The following C12orf42 variants were observed in gnomAD, a reference collection of about 807,000 sequenced individuals.
C12orf42 encodes the protein chromosome 12 open reading frame 42.
A neutral mutation model predicts 21.6 loss-of-function variants in C12orf42; 25 were observed. That is an observed-to-expected ratio of 1.16 (90% confidence interval 0.84 to 1.62). The LOEUF (loss-of-function observed/expected upper bound fraction) is 1.62. Ranked by LOEUF, C12orf42 falls within the 40% of genes most tolerant of loss-of-function variation. C12orf42 has a pLI of 0.00. For synonymous variants in C12orf42, 174 were observed against 175.0 expected (o/e 0.99, Z 0.05); for missense variants, 483 against 459.3 (o/e 1.05, Z -0.47).
chr12:103,443,555 C>T (rs780963912), intron 2 of C12orf42, among the ~76,000 whole-genome samples: 5 of 151,980 alleles, frequency 3.3e-5, no homozygotes, highest in Non-Finnish European at 7.4e-5. Flanking sequence ...CTGATTTTTG[C>T]CATGCCAAAA....
the C12orf42 span, among the ~76,000 whole-genome samples, chr12:103,190,445 A>G: frequency 0.37 from 55,825 of 152,070 alleles, 10,958 homozygotes; most frequent in South Asian, 0.45. Flanking sequence ...TTCACCAGCC[A>G]TCAAGGCATC....
chr12:103,125,972 T>C, the C12orf42 span, among the ~76,000 whole-genome samples: 19 of 152,168 alleles, frequency 1.2e-4, no homozygotes, highest in Non-Finnish European at 2.9e-5. Flanking sequence ...GAGATCTTGG[T>C]GCAATGCCCT....
chr12:103,390,879 G>A (rs2047018578), intron 3 of C12orf42, among the ~76,000 whole-genome samples: 1 of 152,114 alleles, frequency 6.6e-6, no homozygotes, highest in Non-Finnish European at 1.5e-5. Flanking sequence ...CATTGATAAG[G>A]ACAGATGATT....
At chr12:103,560,749 C>G in the C12orf42 span, among the ~76,000 whole-genome samples, 1 of 152,182 alleles carries the variant, frequency 6.6e-6, no homozygotes, top group Non-Finnish European at 1.5e-5. Flanking sequence ...GCTAGTCATA[C>G]GCAAAGTCCA....
the C12orf42 span, among the ~76,000 whole-genome samples, chr12:103,554,247 T>A: frequency 1.3e-5 from 2 of 151,910 alleles, no homozygotes; most frequent in African/African-American, 4.8e-5. Flanking sequence ...CAGATATAAA[T>A]GACATTTGGC....
At chr12:103,244,948 T>C (rs918024230) in intron 10 of C12orf42, among the ~76,000 whole-genome samples, 4 of 152,050 alleles carry the variant, frequency 2.6e-5, no homozygotes, top group African/African-American at 7.2e-5. Context: ...TCTTAATTCA[T>C]CTCTTTAAAG....
chr12:103,372,211 T>G (rs1164617795), intron 3 of C12orf42, among the ~76,000 whole-genome samples: 4 of 152,124 alleles, frequency 2.6e-5, no homozygotes, highest in African/African-American at 7.2e-5. Context: ...CATCCCTGCT[T>G]GCAGTTCACC....
chr12:103,216,302 A>G, the C12orf42 span, among the ~76,000 whole-genome samples: 1 of 151,620 alleles, frequency 6.6e-6, no homozygotes, highest in Non-Finnish European at 1.5e-5. Flanking sequence ...GTGTTCTGTT[A>G]TTTCTTTTTA....
the C12orf42 span, among the ~76,000 whole-genome samples, chr12:103,092,366 A>G: frequency 2.0e-5 from 3 of 152,164 alleles, no homozygotes; most frequent in African/African-American, 7.2e-5. Context: ...CGGGGGGAAA[A>G]AACAGCATAT....
At chr12:103,546,899 A>C in the C12orf42 span, among the ~76,000 whole-genome samples, 1 of 152,196 alleles carries the variant, frequency 6.6e-6, no homozygotes, top group Non-Finnish European at 1.5e-5. Context: ...AGGGACACGG[A>C]GATGATGAAC....
chr12:103,544,695 T>G, the C12orf42 span, among the ~76,000 whole-genome samples: 1 of 152,240 alleles, frequency 6.6e-6, no homozygotes, highest in African/African-American at 2.4e-5. Context: ...TTTTTATTGT[T>G]TTGTCTCTTT....
At chr12:103,096,783 C>G in the C12orf42 span, among the ~76,000 whole-genome samples, 9 of 151,930 alleles carry the variant, frequency 5.9e-5, no homozygotes, top group Non-Finnish European at 1.0e-4. Context: ...TGTTCAAGGC[C>G]CTGGTTTAAC....
At chr12:103,263,760 G>A (rs944190506), downstream of C12orf42, among the ~76,000 whole-genome samples, 7 of 152,142 alleles carry the variant, frequency 4.6e-5, no homozygotes, top group Non-Finnish European at 8.8e-5. Context: ...GATCCAGTCT[G>A]TCACACTCCT....
chr12:103,399,034 T>C (rs1593815023), intron 3 of C12orf42, among the ~76,000 whole-genome samples: 1 of 152,248 alleles, frequency 6.6e-6, no homozygotes, highest in African/African-American at 2.4e-5. Flanking sequence ...CTTCATTTAT[T>C]TGGGCACCCT....
At chr12:103,127,329 A>G in the C12orf42 span, among the ~76,000 whole-genome samples, 4 of 152,240 alleles carry the variant, frequency 2.6e-5, no homozygotes, top group African/African-American at 9.6e-5. Context: ...AGTGTTCTCT[A>G]ATACTAGGCA....
At chr12:103,466,147 T>C (rs1953110127) in intron 2 of C12orf42, among the ~76,000 whole-genome samples, 1 of 152,312 alleles carries the variant, frequency 6.6e-6, no homozygotes, top group Admixed American at 6.5e-5. Context: ...TCCTTTTCAG[T>C]TGTTCGGAAT....
intron 2 of C12orf42, among the ~76,000 whole-genome samples, chr12:103,453,053 T>G (rs1023622812): frequency 6.6e-6 from 1 of 151,952 alleles, no homozygotes; most frequent in African/African-American, 2.4e-5. Context: ...GAAATTTTTT[T>G]GCAATCAATT....
chr12:103,314,418 T>C (rs1157970772), intron 4 of C12orf42, among the ~76,000 whole-genome samples: 1 of 152,224 alleles, frequency 6.6e-6, no homozygotes, highest in Non-Finnish European at 1.5e-5. Flanking sequence ...TCTGTTTACC[T>C]AGAGCAGAAG....
At chr12:103,452,156 C>G (rs1951986295) in intron 2 of C12orf42, among the ~76,000 whole-genome samples, 1 of 151,832 alleles carries the variant, frequency 6.6e-6, no homozygotes, top group African/African-American at 2.4e-5. Context: ...ACTCGCCTGA[C>G]CAGCAGTTGT....
Sources: allele counts gnomAD v4.1 joint callset (sites outside exome capture counted in the v4.1 genomes callset), GRCh38; gene constraint gnomAD v4.1.1; transcripts MANE v1.5; gene names NCBI Gene and HGNC (gene_info 2026-07-23, HGNC 2026-07-21).